Variants in MBP observed in about 807,000 individuals in gnomAD.
MBP encodes the protein Golli-MBP.
MBP carries 16 observed loss-of-function variants against 35.8 expected under a neutral mutation model. That is an observed-to-expected ratio of 0.45 (90% CI 0.30 to 0.68). The LOEUF is 0.68. Among genes scored for constraint, MBP ranks in the 30% least tolerant of loss-of-function variants. The pLI is 0.08. For synonymous variants in MBP, 143 were observed against 159.6 expected (o/e 0.90, Z 0.78); for missense variants, 380 against 404.7 (o/e 0.94, Z 0.52).
At chr18:77,057,521 G>A (rs1280984734) in intron 3 of MBP, among the ~76,000 whole-genome samples, 1 of 152,160 alleles carries the variant, frequency 6.6e-6, no homozygotes, top group Non-Finnish European at 1.5e-5. Context: ...CCACGGAAAG[G>A]CCGTGCAGTG....
intron 1 of MBP, chr18:77,108,691 G>A (rs1215280842): frequency 2.0e-5 from 3 of 152,214 alleles, no homozygotes; most frequent in Admixed American, 6.5e-5. Context: ...TTAGGCTCTC[G>A]TTTTTAATAA....
rs1972372201 is a variant in MBP at position 77,028,748 on chromosome 18, G to A, written c.140-11480C>T. ...GACGGGGCGGCTGGCCAGGCGGGGGGCTGATCCCCCCACCTCCCTCCCGGA... is the reference window on the plus strand; with the variant it reads ...GACGGGGCGGCTGGCCAGGCGGGGGACTGATCCCCCCACCTCCCTCCCGGA... On this transcript the variant is annotated intron_variant, in intron 3 of 8. Coordinates refer to ENST00000355994, the MANE Select transcript of MBP (RefSeq NM_001025101.2). Among the ~76,000 whole-genome samples the A allele has an allele frequency of 2.0e-5, 2 of 100,398 alleles. 1 individual carries two copies. The highest frequency in any genetic ancestry group is 5.2e-5 in the Non-Finnish European group (2 of 38,352). 65.9% of individuals were successfully genotyped at this position (100,398 alleles called of 152,430 possible). A position where few individuals can be genotyped will look rare whatever the true frequency, so the allele number is the denominator to read the frequency against.
At chr18:77,034,286 G>A (rs1016130277) in intron 3 of MBP, among the ~76,000 whole-genome samples, 1 of 152,116 alleles carries the variant, frequency 6.6e-6, no homozygotes, top group African/African-American at 2.4e-5. Flanking sequence ...GATGGGGGAA[G>A]TGGGCCCATT....
chr18:77,078,495 T>C (rs1350759288), intron 2 of MBP, among the ~76,000 whole-genome samples: 2 of 152,238 alleles, frequency 1.3e-5, no homozygotes, highest in Non-Finnish European at 2.9e-5. Flanking sequence ...CAAAAACTGC[T>C]CATCAGCTCC....
chr18:77,126,313 AG>A (rs1253141670), intron 1 of MBP, among the ~76,000 whole-genome samples: 6 of 152,240 alleles, frequency 3.9e-5, no homozygotes, highest in African/African-American at 1.4e-4. Context: ...AAGTCAAAGA[AG>A]AAAAATCTCA....
chr18:77,032,220 G>A (rs944318610), intron 3 of MBP, among the ~76,000 whole-genome samples: 14 of 152,188 alleles, frequency 9.2e-5, no homozygotes, highest in Non-Finnish European at 1.3e-4. Flanking sequence ...CTTGTGTCAC[G>A]GCGCGCTGTG....
At chr18:77,079,390 A>T (rs1197305115) in intron 2 of MBP, among the ~76,000 whole-genome samples, 1 of 152,210 alleles carries the variant, frequency 6.6e-6, no homozygotes, top group Non-Finnish European at 1.5e-5. Flanking sequence ...TCAAACATGT[A>T]GGTTTGGAGA....
In MBP at chr18:77,066,299, G is replaced by A. The variant is rs377221551; in HGVS notation, c.138C>T (p.Phe46=). The change falls in exon 3 of 9, where the codon TTC becomes TTT. Residue 46 remains phenylalanine (F), a splice_region_variant and synonymous_variant. Transcript: ENST00000355994. ...GTTGCCGATATCTGCGTCACCTACC[G>A]AACACTTCGTTGTCCTCTGAGGTTG... ...SRTTSEDNEV[F]GEADANQNNG... 1.9e-5 allele frequency: 31 copies of A among 1,613,010 alleles called. No homozygotes were observed. The highest frequency in any genetic ancestry group is 8.0e-5 in the African/African-American group (6 of 74,864).
At chr18:77,133,414 C>A (rs1050878816), upstream of MBP, 4 of 152,298 alleles carry the variant, frequency 2.6e-5, no homozygotes, top group Non-Finnish European at 5.9e-5. Context: ...GCAAAACACG[C>A]GCAGGTGCGA....
chr18:77,094,333 T>C (rs1975671389), intron 2 of MBP, among the ~76,000 whole-genome samples: 1 of 152,234 alleles, frequency 6.6e-6, no homozygotes, highest in Admixed American at 6.5e-5. Context: ...CTTTAGGAGC[T>C]CACTGAAGTT....
intron 1 of MBP, among the ~76,000 whole-genome samples, chr18:77,107,616 G>C (rs1470377353): frequency 1.3e-5 from 2 of 152,208 alleles, no homozygotes; most frequent in African/African-American, 4.8e-5. Flanking sequence ...TGTCCACAAG[G>C]TGCTGAACTG....
chr18:76,999,177 C>A (rs1375971620), intron 4 of MBP, among the ~76,000 whole-genome samples: 1 of 151,816 alleles, frequency 6.6e-6, no homozygotes, highest in Non-Finnish European at 1.5e-5. Context: ...GAGGGGAGGA[C>A]GCAAGCTGGG....
intron 8 of MBP, chr18:76,982,532 T>A (rs1969268068): frequency 6.6e-6 from 1 of 152,248 alleles, no homozygotes; most frequent in African/African-American, 2.4e-5. Context: ...TCTGATGTAG[T>A]TTCCGAGTGA....
chr18:77,065,111 A>G (rs1286117001), intron 3 of MBP, among the ~76,000 whole-genome samples: 1 of 152,238 alleles, frequency 6.6e-6, no homozygotes, highest in Admixed American at 6.5e-5. Flanking sequence ...AGCAGAAACA[A>G]AGATGAATGC....
intron 3 of MBP, among the ~76,000 whole-genome samples, chr18:77,045,178 C>G (rs1168295661): frequency 2.0e-5 from 3 of 152,152 alleles, no homozygotes; most frequent in South Asian, 4.1e-4. Flanking sequence ...AAGTGGTAAA[C>G]AGAGTAGCTG....
intron 1 of MBP, among the ~76,000 whole-genome samples, chr18:77,128,462 G>A (rs1385553079): frequency 6.6e-6 from 1 of 151,824 alleles, no homozygotes; most frequent in African/African-American, 2.4e-5. Context: ...CTGATGTGTT[G>A]GTGGTCACAT....
rs370587502 is a variant in MBP, at chr18:77,112,169, G to GCGCACACACA, written c.-25-6884_-25-6883insTGTGTGTGCG. On this transcript the variant is annotated intron_variant, in intron 1 of 8. Transcript: ENST00000355994. Reference sequence around the variant, plus strand: ...CCCGTAGAATGAACACCGTGCACACGCACACACACACACACACACACGTGC... The same window carrying GCGCACACACA: ...CCCGTAGAATGAACACCGTGCACACGCGCACACACACACACACACACACACACACACGTGC... Among the ~76,000 whole-genome samples, 460 of 150,984 alleles carry GCGCACACACA rather than the reference G, an allele frequency of 3.0e-3. 4 individuals are homozygous for GCGCACACACA. In the East Asian group the frequency reaches 0.034, roughly 11 times the overall value.
At chr18:77,072,710 C>T (rs1223775455) in intron 2 of MBP, among the ~76,000 whole-genome samples, 5 of 152,214 alleles carry the variant, frequency 3.3e-5, no homozygotes, top group African/African-American at 4.8e-5. Context: ...GGCTCTGGCC[C>T]AGGACTCCTG....
intron 4 of MBP, chr18:77,004,250 G>A (rs936732076): frequency 1.3e-5 from 2 of 150,148 alleles, no homozygotes; most frequent in Admixed American, 6.7e-5. Context: ...AGCTTCCTCT[G>A]AAAAAAAGCA....
Sources: allele counts gnomAD v4.1 joint callset (sites outside exome capture counted in the v4.1 genomes callset), GRCh38; gene constraint gnomAD v4.1.1; transcripts MANE v1.5; gene names NCBI Gene and HGNC (gene_info 2026-07-23, HGNC 2026-07-21).